The following SUCLG2 variants were observed in gnomAD, a reference collection of about 807,000 sequenced individuals.
The protein encoded by SUCLG2 is succinate--CoA ligase [GDP-forming] subunit beta, mitochondrial.
In SUCLG2, 42 loss-of-function variants were observed where a neutral mutation model predicts 47.9. That is an observed-to-expected ratio of 0.88 (90% CI 0.69 to 1.14). The LOEUF (loss-of-function observed/expected upper bound fraction) is 1.14, where lower values mean the gene tolerates loss of function less well. Ranked by LOEUF, SUCLG2 falls within the 50% of genes most tolerant of loss-of-function variation. The pLI is 0.00. For missense variants in SUCLG2, 571 were observed against 525.9 expected (o/e 1.09, Z -0.84); for synonymous variants, 195 against 197.3 (o/e 0.99, Z 0.10).
intron 1 of SUCLG2, among the ~76,000 whole-genome samples, chr3:67,631,370 G>A (rs1700922790): frequency 6.6e-6 from 1 of 152,134 alleles, no homozygotes; most frequent in Admixed American, 6.5e-5. Context: ...GCTCATACCT[G>A]TACTCTCAGC....
Position 67,508,938 on chromosome 3 carries a change from A to G in SUCLG2, c.661-35T>C. The G allele has an allele frequency of 2.0e-6, 3 of 1,471,218 alleles. No individual in the cohort carries two copies. In the South Asian group the frequency reaches 3.9e-5, roughly 19 times the overall value. 91.1% of individuals were successfully genotyped at this position (1,471,218 alleles called of 1,614,324 possible). A position where few individuals can be genotyped will look rare whatever the true frequency, so the allele number is the denominator to read the frequency against. Reference sequence around the variant, plus strand: ...ATCAAGTGAAATAGAATTACACCAAAGCAGTAAAAGAAAATTTATTTTGCT... The same window carrying G: ...ATCAAGTGAAATAGAATTACACCAAGGCAGTAAAAGAAAATTTATTTTGCT... On this transcript the variant is annotated intron_variant, in intron 6 of 10. Transcript: ENST00000307227.
chr3:67,539,859 A>T (rs566898428), intron 2 of SUCLG2, among the ~76,000 whole-genome samples: 4 of 152,284 alleles, frequency 2.6e-5, no homozygotes, highest in Non-Finnish European at 5.9e-5. Context: ...AGGTGTTTAT[A>T]GTATTCTCTG....
intron 5 of SUCLG2, among the ~76,000 whole-genome samples, chr3:67,518,691 G>A (rs954253399): frequency 6.6e-6 from 1 of 152,152 alleles, no homozygotes; most frequent in Non-Finnish European, 1.5e-5. Context: ...CTGCCTACTA[G>A]TAGTTAAGTT....
At chr3:67,439,290 G>A (rs1008704836) in intron 9 of SUCLG2, among the ~76,000 whole-genome samples, 2 of 152,180 alleles carry the variant, frequency 1.3e-5, no homozygotes, top group Non-Finnish European at 2.9e-5. Context: ...CACACTGAAT[G>A]GGCAAAAGCT....
intron 9 of SUCLG2, among the ~76,000 whole-genome samples, chr3:67,449,782 T>G (rs1042433070): frequency 1.3e-5 from 2 of 151,992 alleles, no homozygotes; most frequent in African/African-American, 2.4e-5. Context: ...CCCAGCTAAT[T>G]TGTGTATTTT....
intron 2 of SUCLG2, among the ~76,000 whole-genome samples, chr3:67,573,696 C>T (rs1181061346): frequency 1.3e-5 from 2 of 152,138 alleles, no homozygotes; most frequent in East Asian, 3.9e-4. Flanking sequence ...CCCTCCTTTT[C>T]CTGTGTGAAA....
At chr3:67,619,352 G>A (rs1230407741) in intron 1 of SUCLG2, among the ~76,000 whole-genome samples, 3 of 152,222 alleles carry the variant, frequency 2.0e-5, no homozygotes, top group Non-Finnish European at 4.4e-5. Flanking sequence ...TGCCTGCTCA[G>A]GGTGACACAG....
At chr3:67,463,161 C>G (rs1553646855) in intron 9 of SUCLG2, among the ~76,000 whole-genome samples, 1 of 152,174 alleles carries the variant, frequency 6.6e-6, no homozygotes, top group Non-Finnish European at 1.5e-5. Context: ...TAATTACAGG[C>G]CCTCTCTGAG....
rs142906155 is a variant in SUCLG2 at position 67,534,521 on chromosome 3, A to C, written c.227-5335T>G. Among the ~76,000 whole-genome samples the C allele has an allele frequency of 1.5e-3, 235 of 151,980 alleles. 2 individuals are homozygous for C. The highest frequency in any genetic ancestry group is 5.6e-3 in the African/African-American group (232 of 41,516). The stretch of plus-strand genomic sequence containing the variant: ...GGCTACTCCTCTGATCTTGTCACTA[A>C]TCTTACTTACTGCTTTCATAACCGT... On this transcript the variant is annotated intron_variant, in intron 2 of 10. Coordinates refer to ENST00000307227, the MANE Select transcript of SUCLG2 (RefSeq NM_003848.4).
chr3:67,433,699 A>C (rs1703543983), intron 9 of SUCLG2, among the ~76,000 whole-genome samples: 1 of 152,186 alleles, frequency 6.6e-6, no homozygotes, highest in Non-Finnish European at 1.5e-5. Context: ...GAGAGTTCCT[A>C]GCAGAATTAA....
intron 1 of SUCLG2, among the ~76,000 whole-genome samples, chr3:67,610,225 G>T (rs1401055784): frequency 6.6e-6 from 1 of 152,152 alleles, no homozygotes; most frequent in Non-Finnish European, 1.5e-5. Context: ...TAGGGCCATT[G>T]TGTGTTTAAC....
chr3:67,440,300 C>A (rs1703728343), intron 9 of SUCLG2, among the ~76,000 whole-genome samples: 1 of 152,128 alleles, frequency 6.6e-6, no homozygotes, highest in Non-Finnish European at 1.5e-5. Flanking sequence ...CTAGGCAATA[C>A]CATTCATGAC....
At chr3:67,440,384 A>G (rs1163779017) in intron 9 of SUCLG2, among the ~76,000 whole-genome samples, 1 of 152,226 alleles carries the variant, frequency 6.6e-6, no homozygotes, top group Non-Finnish European at 1.5e-5. Flanking sequence ...GACAAATGGG[A>G]TCTAATCAAA....
chr3:67,401,649 A>G (rs2106816325), intron 9 of SUCLG2, among the ~76,000 whole-genome samples: 1 of 152,162 alleles, frequency 6.6e-6, no homozygotes, highest in African/African-American at 2.4e-5. Flanking sequence ...TATAATTAAC[A>G]TGAAGAACGA....
chr3:67,399,666 G>T (rs747399818), intron 10 of SUCLG2, among the ~76,000 whole-genome samples: 4 of 152,172 alleles, frequency 2.6e-5, no homozygotes, highest in Middle Eastern at 3.4e-3. Flanking sequence ...TGGAAGATCT[G>T]CATAATCACA....
chr3:67,534,316 T>C (rs962393622), intron 2 of SUCLG2, among the ~76,000 whole-genome samples: 3 of 152,156 alleles, frequency 2.0e-5, no homozygotes, highest in Non-Finnish European at 2.9e-5. Flanking sequence ...TTAAAAATGA[T>C]AATATCTTAA....
At position 67,495,917 on chromosome 3, in the gene SUCLG2, C is replaced by T; in HGVS notation, c.943G>A (p.Ala315Thr). Reference protein sequence around the residue: ...CFVNGAGLAMATCDIIFLNGG... With the variant: ...CFVNGAGLAMTTCDIIFLNGG... The stretch of plus-strand genomic sequence containing the variant: ...TTAAGGAAAATGATATCACAAGTAG[C>T]CATGGCGAGCCCAGCACCATTCACT... Residue 315 changes from alanine to threonine, a missense_variant, in exon 9 of 11, where the codon GCT (alanine) becomes ACT (threonine). Ala to Thr is a moderately conservative substitution (Grantham distance 58). Transcript: ENST00000307227. 6.2e-7 allele frequency: 1 copy of T among 1,613,962 alleles called. No individual in the cohort carries two copies. Among genetic ancestry groups the T allele is most frequent in the Non-Finnish European group, 8.5e-7 (1 of 1,179,932 alleles).
chr3:67,593,686 C>G (rs1165488510), intron 2 of SUCLG2, among the ~76,000 whole-genome samples: 1 of 152,200 alleles, frequency 6.6e-6, no homozygotes, highest in African/African-American at 2.4e-5. Context: ...CCGACTCATC[C>G]TGGTTTGCCT....
At chr3:67,463,358 T>C (rs1704385422) in intron 9 of SUCLG2, among the ~76,000 whole-genome samples, 1 of 152,218 alleles carries the variant, frequency 6.6e-6, no homozygotes. Flanking sequence ...CACTGATGGC[T>C]GATGTCAGCA....
Sources: allele counts gnomAD v4.1 joint callset (sites outside exome capture counted in the v4.1 genomes callset), GRCh38; gene constraint gnomAD v4.1.1; transcripts MANE v1.5; gene names NCBI Gene and HGNC (gene_info 2026-07-23, HGNC 2026-07-21).